The following CHST7 variants were observed in gnomAD, a reference collection of about 807,000 sequenced individuals.
The protein encoded by CHST7 is N-acetylglucosamine 6-O-sulfotransferase 4.
In CHST7, 5 loss-of-function variants were observed where a neutral mutation model predicts 9.0. The ratio of observed to expected loss-of-function variants is 0.56; its 90% CI spans 0.29 to 1.17. The LOEUF (loss-of-function observed/expected upper bound fraction) is 1.17. Among genes scored for constraint, CHST7 ranks in the 50% most tolerant of loss-of-function variants. The pLI is 0.08. For synonymous variants in CHST7, 244 were observed against 237.1 expected (o/e 1.03, Z -0.27); for missense variants, 377 against 485.1 (o/e 0.78, Z 2.09).
Position 46,574,444 on chromosome X carries a change from C to A in CHST7, c.513C>A (p.Tyr171Ter). 1 of 1,207,592 alleles carries A rather than the reference C, an allele frequency of 8.3e-7. No individual in the cohort carries two copies. The highest frequency in any genetic ancestry group is 1.1e-6 in the Non-Finnish European group (1 of 894,007). ...GCGACTTCTCCGTGCTGCGGCTGTA[C>A]GCGCCGCCGGGGGACCCCGCTGCGC... ...FRCDFSVLRL[Y>*]APPGDPAARA... Residue 171 changes from tyrosine (Y) to a stop codon, truncating the protein, a stop_gained, in exon 1 of 2, where the codon TAC becomes TAA. Coordinates refer to ENST00000276055, the MANE Select transcript of CHST7 (RefSeq NM_019886.4). LOFTEE classifies it high-confidence loss of function.
chrX:46,583,193 C>T lies in CHST7; in HGVS notation c.*31+7770C>T, dbSNP rs939049811. Among the ~76,000 whole-genome samples, 8 of 111,663 alleles carry T rather than the reference C, an allele frequency of 7.2e-5. No homozygotes were observed. The East Asian group carries it at 2.0e-3, about 27-fold the overall frequency. ...AACAAGGTGACTAATAAATGAACCC[C>T]TCTCTTTGTGAGGTCTCCTGGCTCC... is the stretch of plus-strand genomic sequence containing the variant. On this transcript the variant is annotated intron_variant, in intron 1 of 1. Coordinates refer to ENST00000276055, the MANE Select transcript of CHST7 (RefSeq NM_019886.4).
chrX:46,575,099 C>T lies in CHST7; in HGVS notation c.1168C>T (p.Leu390=). ...RQPRAQLRRL[L]RFSGLRALAA... ...GCCACGCGCCCAGCTGCGCCGCCTGCTGCGCTTCTCCGGGCTACGCGCGCT... is the reference window on the plus strand; with the variant it reads ...GCCACGCGCCCAGCTGCGCCGCCTGTTGCGCTTCTCCGGGCTACGCGCGCT... Residue 390 remains leucine (L), a synonymous_variant, in exon 1 of 2, where the codon CTG becomes TTG. Coordinates refer to ENST00000276055, the MANE Select transcript of CHST7 (RefSeq NM_019886.4). 1 of 1,118,561 alleles carries T rather than the reference C, an allele frequency of 8.9e-7. No homozygotes were observed. The highest frequency in any genetic ancestry group is 1.2e-6 in the Non-Finnish European group (1 of 857,790). The allele number at this position is 1,118,561 out of a possible 1,213,427, so 92.2% of individuals were successfully genotyped here. A position where few individuals can be genotyped will look rare whatever the true frequency, so the allele number is the denominator to read the frequency against.
chrX:46,594,724 A>G lies in CHST7; in HGVS notation c.*32-3036A>G, dbSNP rs1027674241. On this transcript the variant is annotated intron_variant, in intron 1 of 1. Coordinates refer to ENST00000276055, the MANE Select transcript of CHST7 (RefSeq NM_019886.4). ...GTCTTTACTTTGCTGAAGTTTGACT[A>G]TGCCATGGCTTGGTGTAGATTTCTT... 1.9e-4 allele frequency among the ~76,000 whole-genome samples: 21 copies of G among 111,099 alleles called. No individual in the cohort carries two copies. The East Asian group carries it at 5.6e-3, about 30-fold the overall frequency.
At position 46,575,131 on chromosome X, in the gene CHST7, G is replaced by C; in HGVS notation, c.1200G>C (p.Ala400=). The part of the protein sequence containing the change: ...LRFSGLRALA[A]LDAFALNMTR... ...TCTCCGGGCTACGCGCGCTCGCAGC[G>C]CTCGATGCCTTCGCGCTCAACATGA... Residue 400 remains alanine, a synonymous_variant, in exon 1 of 2, where the codon GCG becomes GCC. Transcript: ENST00000276055. 1 of 1,099,579 alleles carries C rather than the reference G, an allele frequency of 9.1e-7. No homozygotes were observed. Among genetic ancestry groups the C allele is most frequent in the African/African-American group, 1.9e-5 (1 of 52,234 alleles). The allele number at this position is 1,099,579 out of a possible 1,213,427, so 90.6% of individuals were successfully genotyped here.
At chrX:46,593,214 CCTT>C (rs1942580275) in intron 1 of CHST7, among the ~76,000 whole-genome samples, 1 of 111,319 alleles carries the variant, frequency 9.0e-6, no homozygotes, top group Non-Finnish European at 1.9e-5. Context: ...ACTGTTCAGT[CCTT>C]CTGTATCCTT....
rs1451361978 is a variant in CHST7 at position 46,575,134 on chromosome X, C to T, written c.1203C>T (p.Leu401=). ...CCGGGCTACGCGCGCTCGCAGCGCT[C>T]GATGCCTTCGCGCTCAACATGACTC... ...RFSGLRALAA[L]DAFALNMTRG... The change falls in exon 1 of 2, where the codon CTC becomes CTT. Residue 401 remains leucine (L), a synonymous_variant. Transcript: ENST00000276055. 2 of 1,098,103 alleles carry T rather than the reference C, an allele frequency of 1.8e-6. No homozygotes were observed. The highest frequency in any genetic ancestry group is 2.4e-6 in the Non-Finnish European group (2 of 849,191). 90.5% of individuals were successfully genotyped at this position (1,098,103 alleles called of 1,213,427 possible).
At chrX:46,594,013 CAA>C in intron 1 of CHST7, among the ~76,000 whole-genome samples, 1 of 112,125 alleles carries the variant, frequency 8.9e-6, no homozygotes, top group South Asian at 3.7e-4. Flanking sequence ...TTTAAAAACT[CAA>C]GAGAATAGTT....
intron 1 of CHST7, among the ~76,000 whole-genome samples, chrX:46,592,844 CT>C (rs1218502794): frequency 9.6e-6 from 1 of 104,355 alleles, no homozygotes; most frequent in Non-Finnish European, 2.0e-5. Context: ...GATTTGAGAT[CT>C]TTTTTTCTCA....
chrX:46,588,820 A>T (rs1248737883), intron 1 of CHST7, among the ~76,000 whole-genome samples: 1 of 111,364 alleles, frequency 9.0e-6, no homozygotes, highest in South Asian at 3.7e-4. Context: ...TTTACAAAAA[A>T]CCTTTTATGC....
At chrX:46,576,302 A>G (rs369465317) in intron 1 of CHST7, among the ~76,000 whole-genome samples, 47 of 109,822 alleles carry the variant, frequency 4.3e-4, no homozygotes, top group African/African-American at 1.6e-3. Flanking sequence ...AGCTTCCTCT[A>G]GTGTCGACAA....
chrX:46,574,468 G>A lies in CHST7; in HGVS notation c.537G>A (p.Ala179=), dbSNP rs767525052. 9.1e-6 allele frequency: 11 copies of A among 1,205,250 alleles called. No homozygotes were observed. The highest frequency in any genetic ancestry group is 1.2e-5 in the Non-Finnish European group (11 of 893,000). Residue 179 remains alanine (A), a synonymous_variant, in exon 1 of 2, where the codon GCG becomes GCA. Coordinates refer to ENST00000276055, the MANE Select transcript of CHST7 (RefSeq NM_019886.4). ...RLYAPPGDPA[A]RAPDTANLTT... ...ACGCGCCGCCGGGGGACCCCGCTGC[G>A]CGCGCCCCGGACACGGCCAATCTTA...
chrX:46,592,833 T>G (rs991292594), intron 1 of CHST7, among the ~76,000 whole-genome samples: 1 of 108,314 alleles, frequency 9.2e-6, no homozygotes, highest in African/African-American at 3.4e-5. Context: ...CATAGATTAT[T>G]GATTTGAGAT....
At chrX:46,588,789 A>G (rs1942560838) in intron 1 of CHST7, among the ~76,000 whole-genome samples, 1 of 111,187 alleles carries the variant, frequency 9.0e-6, no homozygotes, top group Non-Finnish European at 1.9e-5. Context: ...ATGACCTCAC[A>G]TTTCAATGTC....
In CHST7 at chrX:46,574,116, C is replaced by G; in HGVS notation, c.185C>G (p.Ala62Gly). Reference protein sequence around the residue: ...LGVWSLEAAAAGEREQGAEAR... With the variant: ...LGVWSLEAAAGGEREQGAEAR... ...GTGTGGAGCCTGGAGGCGGCGGCGGCCGGCGAACGCGAGCAGGGAGCGGAG... is the reference window on the plus strand; with the variant it reads ...GTGTGGAGCCTGGAGGCGGCGGCGGGCGGCGAACGCGAGCAGGGAGCGGAG... The change falls in exon 1 of 2, where the codon GCC becomes GGC. Residue 62 changes from alanine (A) to glycine (G), a missense_variant. Ala to Gly is a moderately conservative substitution (Grantham distance 60). This residue lies in a region of CHST7 where 239 missense variants were observed against 325.7 expected (regional missense o/e 0.73). Coordinates refer to ENST00000276055, the MANE Select transcript of CHST7 (RefSeq NM_019886.4). 8.6e-7 allele frequency: 1 copy of G among 1,159,793 alleles called. No homozygotes were observed. The highest frequency in any genetic ancestry group is 3.2e-5 in the East Asian group (1 of 30,822).
chrX:46,585,116 A>C (rs1400583258), intron 1 of CHST7, among the ~76,000 whole-genome samples: 1 of 111,152 alleles, frequency 9.0e-6, no homozygotes, highest in African/African-American at 3.3e-5. Flanking sequence ...TTTAGAAGTA[A>C]GAGAAGTAGA....
intron 1 of CHST7, among the ~76,000 whole-genome samples, chrX:46,595,217 A>C (rs2146643345): frequency 8.9e-6 from 1 of 112,769 alleles, no homozygotes; most frequent in South Asian, 3.6e-4. Context: ...GATAATTTCA[A>C]CATCTGTGTC....
chrX:46,597,842 C>CA lies in CHST7; in HGVS notation c.*115dup, dbSNP rs972415654. On this transcript the variant is annotated 3_prime_UTR_variant, in exon 2 of 2. Coordinates refer to ENST00000276055, the MANE Select transcript of CHST7 (RefSeq NM_019886.4). ...CTGTGGGGGCAATCTGTCACACTCT[C>CA]AGAGTCTGGGACTTGACTTGCTACC... 8.8e-6 allele frequency: 1 copy of CA among 113,164 alleles called. No individual in the cohort carries two copies. The highest frequency in any genetic ancestry group is 3.2e-5 in the African/African-American group (1 of 31,150). The allele number at this position is 113,164 out of a possible 1,213,427, so 9.3% of individuals were successfully genotyped here. A position where few individuals can be genotyped will look rare whatever the true frequency, so the allele number is the denominator to read the frequency against.
rs1942488695 is a variant in CHST7, at chrX:46,574,878, T to G, written c.947T>G (p.Leu316Arg). Reference protein sequence around the residue: ...QRGDRFHRVLLAHGVGARPGG... With the variant: ...QRGDRFHRVLRAHGVGARPGG... ...GGCGACCGCTTCCACCGTGTGCTGC[T>G]GGCGCACGGCGTGGGTGCTCGCCCC... Residue 316 changes from leucine to arginine, a missense_variant, in exon 1 of 2, where the codon CTG becomes CGG. Transcript: ENST00000276055. The G allele has an allele frequency of 8.6e-7, 1 of 1,166,767 alleles. No homozygotes were observed.
At chrX:46,592,023 C>T in intron 1 of CHST7, among the ~76,000 whole-genome samples, 1 of 111,979 alleles carries the variant, frequency 8.9e-6, no homozygotes, top group Non-Finnish European at 1.9e-5. Flanking sequence ...CAGCTTCATC[C>T]ATGTCCCAGC....
Sources: allele counts gnomAD v4.1 joint callset (sites outside exome capture counted in the v4.1 genomes callset), GRCh38; gene constraint gnomAD v4.1.1; regional missense constraint gnomAD v4.1.1; transcripts MANE v1.5; gene names NCBI Gene and HGNC (gene_info 2026-07-23, HGNC 2026-07-21).